Variants in EYS observed in about 807,000 individuals in gnomAD.
EYS encodes the protein protein eyes shut homolog.
Under a neutral mutation model 282.1 loss-of-function variants are expected in EYS, and 250 were observed. The ratio of observed to expected loss-of-function variants is 0.89; its 90% CI spans 0.80 to 0.98. The LOEUF is 0.98. Among genes scored for constraint, EYS ranks in the 50% least tolerant of loss-of-function variants. The pLI is 0.00. For synonymous variants in EYS, 1,355 were observed against 1,282.9 expected (o/e 1.06, Z -1.20); for missense variants, 4,016 against 3,709.0 (o/e 1.08, Z -2.15).
intron 8 of EYS, among the ~76,000 whole-genome samples, chr6:65,378,180 T>A (rs1455930195): frequency 6.6e-6 from 1 of 152,042 alleles, no homozygotes; most frequent in East Asian, 1.9e-4. Flanking sequence ...CTTAAACAAA[T>A]TTACAAGACA....
At chr6:64,636,749 GACAA>G (rs1466109331) in intron 22 of EYS, among the ~76,000 whole-genome samples, 1 of 151,144 alleles carries the variant, frequency 6.6e-6, no homozygotes, top group Non-Finnish European at 1.5e-5. Flanking sequence ...ACAAGAAAAA[GACAA>G]ACAACCCCAT....
intron 33 of EYS, among the ~76,000 whole-genome samples, chr6:64,033,863 A>T (rs1002716542): frequency 2.0e-5 from 3 of 149,636 alleles, no homozygotes; most frequent in Non-Finnish European, 4.4e-5. Flanking sequence ...TATATATATA[A>T]AATTGGGAGT....
intron 22 of EYS, among the ~76,000 whole-genome samples, chr6:64,778,860 CA>C (rs1773767365): frequency 6.6e-6 from 1 of 152,092 alleles, no homozygotes; most frequent in African/African-American, 2.4e-5. Context: ...ATAGATGCTT[CA>C]CCAAATAAGA....
chr6:64,767,904 G>A (rs1773403570), intron 22 of EYS, among the ~76,000 whole-genome samples: 1 of 152,024 alleles, frequency 6.6e-6, no homozygotes, highest in Non-Finnish European at 1.5e-5. Flanking sequence ...TCCATGAGTG[G>A]TGTATGAGCT....
intron 12 of EYS, among the ~76,000 whole-genome samples, chr6:65,177,272 A>G (rs1765248292): frequency 6.6e-6 from 1 of 151,872 alleles, no homozygotes; most frequent in South Asian, 2.1e-4. Context: ...AAAGACTTTG[A>G]TGTAAATTAT....
chr6:65,039,336 C>T (rs1772862484), intron 13 of EYS, among the ~76,000 whole-genome samples: 1 of 151,186 alleles, frequency 6.6e-6, no homozygotes, highest in Non-Finnish European at 1.5e-5. Flanking sequence ...GGTTCTATTT[C>T]TGAAATTTTT....
intron 35 of EYS, among the ~76,000 whole-genome samples, chr6:63,877,615 C>T (rs897595788): frequency 2.2e-5 from 3 of 135,642 alleles, no homozygotes; most frequent in East Asian, 2.1e-4. Context: ...ACCAATCAGA[C>T]GTAGATTTGT....
intron 18 of EYS, among the ~76,000 whole-genome samples, chr6:64,888,393 T>C (rs1482411755): frequency 6.6e-6 from 1 of 152,050 alleles, no homozygotes; most frequent in Admixed American, 6.6e-5. Context: ...ATGTATTATG[T>C]AGTATAATGA....
chr6:63,811,578 G>T (rs2149681445), intron 36 of EYS, among the ~76,000 whole-genome samples: 1 of 151,882 alleles, frequency 6.6e-6, no homozygotes, highest in East Asian at 1.9e-4. Context: ...CCGTTTACAG[G>T]TGGATGAGTC....
At chr6:65,627,939 A>G (rs1487606829) in intron 2 of EYS, among the ~76,000 whole-genome samples, 1 of 152,236 alleles carries the variant, frequency 6.6e-6, no homozygotes, top group African/African-American at 2.4e-5. Flanking sequence ...CGCACGGCGC[A>G]GGACTGGCAG....
At chr6:65,557,725 C>T (rs1029108339) in intron 2 of EYS, among the ~76,000 whole-genome samples, 13 of 152,140 alleles carry the variant, frequency 8.5e-5, no homozygotes, top group African/African-American at 3.1e-4. Flanking sequence ...GAGTTCTTTT[C>T]CTGAATCCAA....
At chr6:64,762,065 A>C (rs1264448475) in intron 22 of EYS, among the ~76,000 whole-genome samples, 1 of 152,208 alleles carries the variant, frequency 6.6e-6, no homozygotes, top group Non-Finnish European at 1.5e-5. Flanking sequence ...AAATGTTCTT[A>C]CCACAAAGAA....
At chr6:65,008,962 C>A (rs2349995) in intron 13 of EYS, among the ~76,000 whole-genome samples, 61,792 of 151,934 alleles carry the variant, frequency 0.41, 13,925 homozygotes, top group African/African-American at 0.6. Flanking sequence ...TGTGATGGGG[C>A]GCTTTACTCT....
intron 35 of EYS, among the ~76,000 whole-genome samples, chr6:63,944,605 C>A (rs1021411258): frequency 6.6e-6 from 1 of 152,084 alleles, no homozygotes; most frequent in Admixed American, 6.6e-5. Context: ...CTACTCTTAG[C>A]ATTTTTCAAG....
chr6:65,220,045 C>T (rs1185565183), intron 12 of EYS, among the ~76,000 whole-genome samples: 1 of 152,038 alleles, frequency 6.6e-6, no homozygotes, highest in African/African-American at 2.4e-5. Flanking sequence ...ATCTTTCTTC[C>T]TCTCATCTAT....
At chr6:65,042,180 A>C (rs937909063) in intron 13 of EYS, among the ~76,000 whole-genome samples, 1 of 151,576 alleles carries the variant, frequency 6.6e-6, no homozygotes, top group Non-Finnish European at 1.5e-5. Flanking sequence ...ATGAATATAG[A>C]TCATCACATT....
At chr6:65,127,623 A>C (rs1368749146) in intron 12 of EYS, among the ~76,000 whole-genome samples, 1 of 152,110 alleles carries the variant, frequency 6.6e-6, no homozygotes, top group Admixed American at 6.6e-5. Flanking sequence ...GTATCTAATA[A>C]TAAGGTGGAA....
At position 65,344,193 on chromosome 6, in the gene EYS, G is replaced by C. The variant is rs1347899896; in HGVS notation, c.1460-16C>G. 6.9e-6 allele frequency: 11 copies of C among 1,587,140 alleles called. No homozygotes were observed. The highest frequency in any genetic ancestry group is 7.8e-6 in the Non-Finnish European group (9 of 1,158,544). On this transcript the variant is annotated splice_polypyrimidine_tract_variant and intron_variant, in intron 9 of 42. Coordinates refer to ENST00000503581, the MANE Select transcript of EYS (RefSeq NM_001142800.2). ...CCTTCAGATCCTTTAAAAAAAAAGA[G>C]ATAAAAAATTAAATAAACTCTTACA...
At chr6:64,292,230 C>G (rs572484162) in intron 30 of EYS, among the ~76,000 whole-genome samples, 1 of 152,208 alleles carries the variant, frequency 6.6e-6, no homozygotes, top group Non-Finnish European at 1.5e-5. Context: ...GGCAGAGGCA[C>G]TCTTTCTGGA....
Sources: allele counts gnomAD v4.1 joint callset (sites outside exome capture counted in the v4.1 genomes callset), GRCh38; gene constraint gnomAD v4.1.1; transcripts MANE v1.5; gene names NCBI Gene and HGNC (gene_info 2026-07-23, HGNC 2026-07-21).